Variants in BRCA1 observed in about 807,000 individuals in gnomAD.
BRCA1 encodes BRCA1 DNA repair associated, also known as breast cancer type 1 susceptibility protein.
Under a neutral mutation model 173.7 loss-of-function variants are expected in BRCA1, and 140 were observed. The observed-to-expected ratio is 0.81, with a 90% CI of 0.70 to 0.93. BRCA1 has a LOEUF of 0.93. BRCA1 is among the 40% of genes least tolerant of loss of function. The pLI is 0.00. For synonymous variants in BRCA1, 662 were observed against 756.0 expected, an observed-to-expected ratio of 0.88 and a Z score of 2.04; for missense variants, 1,983 against 2,172.5, an observed-to-expected ratio of 0.91 and a Z score of 1.73.
Position 43,103,976 on chromosome 17 carries a change from G to A in BRCA1, c.441+146C>T, listed in dbSNP as rs573961690. Reference sequence around the variant, plus strand: ...ACAAAAATTAGCCTGGCATGGTGGCGCGTGCCTGTAATCCCAGCTACTAAG... The same window carrying A: ...ACAAAAATTAGCCTGGCATGGTGGCACGTGCCTGTAATCCCAGCTACTAAG... On this transcript the variant is annotated intron_variant, in intron 6 of 22. Transcript: ENST00000357654. 260 of 992,828 alleles carry A rather than the reference G, an allele frequency of 2.6e-4. 2 individuals carry two copies. In the African/African-American group the frequency reaches 3.4e-3, roughly 13 times the overall value. 61.5% of individuals were successfully genotyped at this position (992,828 alleles called of 1,614,324 possible).
At chr17:43,121,838 T>C (rs1485167560) in intron 2 of BRCA1, among the ~76,000 whole-genome samples, 1 of 152,210 alleles carries the variant, frequency 6.6e-6, no homozygotes, top group African/African-American at 2.4e-5. Context: ...TTTTAATTGA[T>C]GGTTTAATTT....
Position 43,092,460 on chromosome 17 carries a change from C to G in BRCA1, c.3071G>C (p.Ser1024Thr), listed in dbSNP as rs757579891. 1 of 1,613,808 alleles carries G rather than the reference C, an allele frequency of 6.2e-7. No individual in the cohort carries two copies. The highest frequency in any genetic ancestry group is 8.5e-7 in the Non-Finnish European group (1 of 1,179,998). Reference protein sequence around the residue: ...MGNENIPSTVSTISRNNIREN... With the variant: ...MGNENIPSTVTTISRNNIREN... The stretch of plus-strand genomic sequence containing the variant: ...TCTAATGTTATTACGGCTAATTGTG[C>G]TCACTGTACTTGGAATGTTCTCATT... Residue 1024 changes from serine to threonine, a missense_variant, in exon 10 of 23, where the codon AGC becomes ACC. Ser to Thr is a moderately conservative substitution (Grantham distance 58). Coordinates refer to ENST00000357654, the MANE Select transcript of BRCA1 (RefSeq NM_007294.4).
At chr17:43,075,487 G>A (rs1597837716) in intron 13 of BRCA1, among the ~76,000 whole-genome samples, 1 of 152,114 alleles carries the variant, frequency 6.6e-6, no homozygotes, top group Non-Finnish European at 1.5e-5. Context: ...ATTATTGGGT[G>A]CTTACTATGG....
At chr17:43,126,848 G>A (rs1181777664), upstream of BRCA1, among the ~76,000 whole-genome samples, 2 of 152,168 alleles carry the variant, frequency 1.3e-5, no homozygotes, top group South Asian at 2.1e-4. Flanking sequence ...AGGGAGAGGC[G>A]GGTGTGGGAA....
chr17:43,161,973 CAA>C (rs1444620768), intron 1 of BRCA1: 1 of 152,182 alleles, frequency 6.6e-6, no homozygotes, highest in Non-Finnish European at 1.5e-5. Context: ...AACACTGGCT[CAA>C]GAGAGCATTT....
At chr17:43,156,948 C>T (rs1235500079) in intron 1 of BRCA1, among the ~76,000 whole-genome samples, 10 of 152,144 alleles carry the variant, frequency 6.6e-5, no homozygotes, top group Admixed American at 2.0e-4. Context: ...AAAAATGATT[C>T]AAATATTTTA....
At chr17:43,131,704 G>C (rs995165412) in intron 1 of BRCA1, among the ~76,000 whole-genome samples, 1 of 151,064 alleles carries the variant, frequency 6.6e-6, no homozygotes, top group African/African-American at 2.4e-5. Flanking sequence ...CTCGGTGACA[G>C]AGCGAGACTC....
chr17:43,090,834 G>C (rs2154247384), intron 11 of BRCA1, 110 bp downstream of exon 11: 2 of 1,013,840 alleles, frequency 2.0e-6, no homozygotes, highest in Non-Finnish European at 3.0e-6. Flanking sequence ...AAACAATTGT[G>C]CCATTAATTC....
chr17:43,106,178 A>G (rs1397138239), intron 4 of BRCA1, among the ~76,000 whole-genome samples: 1 of 151,966 alleles, frequency 6.6e-6, no homozygotes, highest in Non-Finnish European at 1.5e-5. Flanking sequence ...AGATTAACAG[A>G]CAATGGGGGC....
At chr17:43,154,946 A>T (rs1378240996) in intron 1 of BRCA1, among the ~76,000 whole-genome samples, 6 of 152,190 alleles carry the variant, frequency 3.9e-5, no homozygotes, top group East Asian at 3.8e-4. Flanking sequence ...ATGTAAAGAA[A>T]CACGCTATGC....
In BRCA1 at chr17:43,045,087, A is replaced by G. The variant is rs1485487351; in HGVS notation, c.*591T>C. On this transcript the variant is annotated 3_prime_UTR_variant, in exon 23 of 23. Transcript: ENST00000357654. The stretch of plus-strand genomic sequence containing the variant: ...CCAAAGTGCTGGGATTACAGGCGTG[A>G]GCCACCATGCCCAGGTTTCAAGTTT... 1.9e-6 allele frequency: 1 copy of G among 528,118 alleles called. No homozygotes were observed. Among genetic ancestry groups the G allele is most frequent in the Non-Finnish European group, 3.7e-6 (1 of 272,560 alleles). 32.7% of individuals were successfully genotyped at this position (528,118 alleles called of 1,614,324 possible).
At position 43,104,047 on chromosome 17, in the gene BRCA1, G is replaced by T; in HGVS notation, c.441+75C>A. 5 of 1,519,188 alleles carry T rather than the reference G, an allele frequency of 3.3e-6. No homozygotes were observed. The South Asian group carries it at 5.8e-5, about 18-fold the overall frequency. 94.1% of individuals were successfully genotyped at this position (1,519,188 alleles called of 1,614,324 possible). ...GCTTCTAGCCTGGGCCACAGAGCAA[G>T]ACTCCATCTCAAAAAAAAAAAAGAA... is the stretch of plus-strand genomic sequence containing the variant. On this transcript the variant is annotated intron_variant, in intron 6 of 22. Transcript: ENST00000357654.
At chr17:43,151,094 G>A (rs57354138) in intron 1 of BRCA1, among the ~76,000 whole-genome samples, 5,588 of 152,214 alleles carry the variant, frequency 0.037, 337 homozygotes, top group African/African-American at 0.13. Flanking sequence ...GCTGGTGGGG[G>A]CAATGGGACA....
intron 22 of BRCA1, among the ~76,000 whole-genome samples, chr17:43,047,333 C>T (rs971871757): frequency 2.6e-5 from 4 of 151,854 alleles, no homozygotes; most frequent in African/African-American, 7.3e-5. Flanking sequence ...CTTCTAGGCT[C>T]CCACCTTGAC....
intron 1 of BRCA1, among the ~76,000 whole-genome samples, chr17:43,158,951 C>G (rs988244570): frequency 1.3e-5 from 2 of 152,144 alleles, no homozygotes; most frequent in African/African-American, 4.8e-5. Context: ...ATTTTCAGAC[C>G]ATGGCTGGGT....
chr17:43,147,468 C>T (rs1049146720), intron 1 of BRCA1, among the ~76,000 whole-genome samples: 1 of 151,984 alleles, frequency 6.6e-6, no homozygotes, highest in Non-Finnish European at 1.5e-5. Flanking sequence ...GGATTACAGG[C>T]GTGAGCCACC....
intron 2 of BRCA1, among the ~76,000 whole-genome samples, chr17:43,118,549 A>C (rs1442006532): frequency 1.3e-5 from 2 of 151,748 alleles, no homozygotes; most frequent in Non-Finnish European, 2.9e-5. Flanking sequence ...GGCCTCCCAA[A>C]GTACTGGGAT....
intron 1 of BRCA1, chr17:43,169,994 G>T (rs1288505178): frequency 4.3e-6 from 2 of 465,328 alleles, no homozygotes; most frequent in Non-Finnish European, 4.3e-6. Context: ...TAAGGGCATT[G>T]ATCTTATCCT....
At chr17:43,131,549 G>A (rs560751943) in intron 1 of BRCA1, among the ~76,000 whole-genome samples, 10 of 151,844 alleles carry the variant, frequency 6.6e-5, no homozygotes, top group Admixed American at 2.6e-4. Context: ...ATTGAACCCC[G>A]TCTCTACTAA....
Sources: gnomAD v4.1 joint callset for allele counts (sites outside exome capture counted in the v4.1 genomes callset) on GRCh38, gnomAD v4.1.1 for gene constraint, MANE v1.5 for transcripts, NCBI Gene and HGNC (gene_info 2026-07-23, HGNC 2026-07-21) for gene names.